SLC35F4: variants seen among roughly 807,000 people sequenced by gnomAD.
SLC35F4 encodes the protein solute carrier family 35 member F4, also known as chromosome 14 open reading frame 36.
A neutral mutation model predicts 44.2 loss-of-function variants in SLC35F4; 24 were observed. The ratio of observed to expected loss-of-function variants is 0.54; its 90% confidence interval spans 0.39 to 0.76. SLC35F4 has a LOEUF of 0.76. SLC35F4 is among the 30% of genes least tolerant of loss of function. SLC35F4 has a pLI of 0.00. For missense variants in SLC35F4, 562 were observed against 586.1 expected (o/e 0.96, Z 0.42); for synonymous variants, 238 against 223.6 (o/e 1.06, Z -0.57).
intron 1 of SLC35F4, among the ~76,000 whole-genome samples, chr14:57,610,129 T>C (rs1227813400): frequency 6.6e-6 from 1 of 152,218 alleles, no homozygotes; most frequent in Admixed American, 6.5e-5. Flanking sequence ...GAGGAGTCTC[T>C]ATGTTCCAGA....
intron 1 of SLC35F4, among the ~76,000 whole-genome samples, chr14:57,742,451 C>T (rs927242532): frequency 6.6e-6 from 1 of 152,046 alleles, no homozygotes; most frequent in South Asian, 2.1e-4. Context: ...AGACTTTAAA[C>T]CAACAAAGAT....
chr14:57,633,353 T>A (rs1387310340), intron 1 of SLC35F4, among the ~76,000 whole-genome samples: 4 of 152,176 alleles, frequency 2.6e-5, no homozygotes, highest in Admixed American at 2.6e-4. Flanking sequence ...TCCACTACAA[T>A]AATTAAGAAT....
intron 1 of SLC35F4, among the ~76,000 whole-genome samples, chr14:57,651,255 C>T (rs540201938): frequency 2.6e-5 from 4 of 152,258 alleles, no homozygotes; most frequent in Admixed American, 6.5e-5. Flanking sequence ...CTGGACTAAA[C>T]GCCCAAAGCT....
chr14:57,880,711 C>A (rs1888516799), intron 1 of SLC35F4, among the ~76,000 whole-genome samples: 1 of 152,164 alleles, frequency 6.6e-6, no homozygotes, highest in Non-Finnish European at 1.5e-5. Context: ...TCCAGGAGGA[C>A]ACTGGGCAGA....
At chr14:57,714,718 G>A (rs2075896388) in intron 1 of SLC35F4, among the ~76,000 whole-genome samples, 1 of 152,178 alleles carries the variant, frequency 6.6e-6, no homozygotes, top group African/African-American at 2.4e-5. Context: ...TTCCAGCTCA[G>A]TGGGGAATGT....
intron 1 of SLC35F4, among the ~76,000 whole-genome samples, chr14:57,636,050 G>A (rs996208247): frequency 1.3e-5 from 2 of 152,102 alleles, no homozygotes; most frequent in African/African-American, 4.8e-5. Context: ...CTGTTAATAG[G>A]TGGCTTCAGG....
intron 1 of SLC35F4, among the ~76,000 whole-genome samples, chr14:57,681,019 A>T (rs1040319552): frequency 3.3e-5 from 5 of 151,118 alleles, no homozygotes; most frequent in Non-Finnish European, 1.5e-5. Context: ...GAAAAAAACT[A>T]CCTTTAAATT....
At chr14:57,583,575 C>G (rs371263372) in intron 3 of SLC35F4, among the ~76,000 whole-genome samples, 71 of 152,286 alleles carry the variant, frequency 4.7e-4, no homozygotes, top group Middle Eastern at 3.4e-3. Context: ...TCCAGACAGA[C>G]AGAGCCTCAC....
At chr14:57,862,711 G>A (rs1231019343) in intron 1 of SLC35F4, among the ~76,000 whole-genome samples, 1 of 152,154 alleles carries the variant, frequency 6.6e-6, no homozygotes, top group Admixed American at 6.6e-5. Flanking sequence ...TACTTCCTCA[G>A]TGAGGACTTC....
Position 57,750,152 on chromosome 14 carries a change from T to C in SLC35F4, c.103+115571A>G, listed in dbSNP as rs373387788. ...AAAACATGCGGTATTTGTCTTTCAG[T>C]GTCTGAGTCATTTTACTTAAGATAA... On this transcript the variant is annotated intron_variant, in intron 1 of 7. Coordinates refer to ENST00000556826, the MANE Select transcript of SLC35F4 (RefSeq NM_001306087.2). Among the ~76,000 whole-genome samples, 177 of 152,318 alleles carry C rather than the reference T, an allele frequency of 1.2e-3. 2 individuals carry two copies. Among genetic ancestry groups the C allele is most frequent in the African/African-American group, 4.1e-3 (170 of 41,570 alleles).
intron 1 of SLC35F4, among the ~76,000 whole-genome samples, chr14:57,722,852 A>C (rs916061694): frequency 2.0e-5 from 3 of 152,180 alleles, no homozygotes; most frequent in African/African-American, 4.8e-5. Context: ...ATGGACCCTC[A>C]ATCAATTTCC....
intron 4 of SLC35F4, chr14:57,579,380 A>G (rs1378912888): frequency 6.6e-6 from 1 of 152,154 alleles, no homozygotes; most frequent in East Asian, 1.9e-4. Context: ...GATAAGTTAC[A>G]CAGTTGTTTT....
At chr14:57,631,474 T>C (rs766282562) in intron 1 of SLC35F4, among the ~76,000 whole-genome samples, 3 of 152,056 alleles carry the variant, frequency 2.0e-5, no homozygotes, top group Non-Finnish European at 4.4e-5. Flanking sequence ...GAAGCAAACT[T>C]TGTGTGTGCG....
Position 57,695,423 on chromosome 14 carries a change from C to T in SLC35F4, c.104-101299G>A, listed in dbSNP as rs2075354503. ...CAGCCAAAAAACACATGAAAAAACGCTCATCATCACTGGCCATCAGAGAAA... is the reference window on the plus strand; with the variant it reads ...CAGCCAAAAAACACATGAAAAAACGTTCATCATCACTGGCCATCAGAGAAA... On this transcript the variant is annotated intron_variant, in intron 1 of 7. Coordinates refer to ENST00000556826, the MANE Select transcript of SLC35F4 (RefSeq NM_001306087.2). Among the ~76,000 whole-genome samples the T allele has an allele frequency of 2.0e-5, 3 of 151,680 alleles. No homozygotes were observed. In the South Asian group the frequency reaches 6.3e-4, roughly 32 times the overall value.
chr14:57,846,378 G>C (rs985183454), intron 1 of SLC35F4, among the ~76,000 whole-genome samples: 1 of 152,130 alleles, frequency 6.6e-6, no homozygotes, highest in East Asian at 1.9e-4. Flanking sequence ...TGGGCCAAGT[G>C]TGTTTGGTTA....
intron 1 of SLC35F4, among the ~76,000 whole-genome samples, chr14:57,849,024 C>A (rs1397109191): frequency 6.6e-6 from 1 of 152,164 alleles, no homozygotes; most frequent in Admixed American, 6.5e-5. Flanking sequence ...CTGTAGCATG[C>A]TAACTTGATA....
At chr14:57,648,426 A>G (rs1164029493) in intron 1 of SLC35F4, among the ~76,000 whole-genome samples, 1 of 152,230 alleles carries the variant, frequency 6.6e-6, no homozygotes, top group East Asian at 1.9e-4. Flanking sequence ...TAAACATAAA[A>G]TAAAAATTCA....
chr14:57,865,623 G>C (rs1431218280), intron 1 of SLC35F4, 100 bp downstream of exon 1: 3 of 948,596 alleles, frequency 3.2e-6, no homozygotes, highest in East Asian at 3.1e-5. Flanking sequence ...CAGGGCTGCA[G>C]GTGTCCGTAC....
chr14:57,609,643 G>A (rs2071374753), intron 1 of SLC35F4, among the ~76,000 whole-genome samples: 1 of 152,188 alleles, frequency 6.6e-6, no homozygotes. Context: ...TGTAGAGGCA[G>A]CTCTTGCAGT....
Sources: allele counts gnomAD v4.1 joint callset (sites outside exome capture counted in the v4.1 genomes callset), GRCh38; gene constraint gnomAD v4.1.1; transcripts MANE v1.5; gene names NCBI Gene and HGNC (gene_info 2026-07-23, HGNC 2026-07-21).